The following TFEC variants were observed in gnomAD, a reference collection of about 807,000 sequenced individuals.
The protein encoded by TFEC is transcription factor EC, also known as class E basic helix-loop-helix protein 34.
In TFEC, 31 loss-of-function variants were observed where a neutral mutation model predicts 41.6. The observed-to-expected ratio is 0.74, with a 90% CI of 0.56 to 1.01. The LOEUF (loss-of-function observed/expected upper bound fraction) is 1.01, where lower values mean the gene tolerates loss of function less well. Among genes scored for constraint, TFEC ranks in the 50% least tolerant of loss-of-function variants. The pLI, the probability that TFEC is intolerant of heterozygous loss-of-function variation, is 0.00. For synonymous variants in TFEC, 143 were observed against 140.6 expected, an observed-to-expected ratio of 1.02 and a Z score of -0.12; for missense variants, 402 against 404.1, an observed-to-expected ratio of 0.99 and a Z score of 0.04.
rs951265262 is a variant in TFEC at position 115,997,545 on chromosome 7, C to G, written c.-72-13032G>C. On this transcript the variant is annotated intron_variant, in intron 1 of 7. Coordinates refer to ENST00000265440, the MANE Select transcript of TFEC (RefSeq NM_012252.4). Reference sequence around the variant, plus strand: ...TACCTAACTCTTCACTGCCCAGACACCAACAAACATCCACAAGCATAAAAA... The same window carrying G: ...TACCTAACTCTTCACTGCCCAGACAGCAACAAACATCCACAAGCATAAAAA... 3.3e-5 allele frequency among the ~76,000 whole-genome samples: 5 copies of G among 150,836 alleles called. No homozygotes were observed. In the South Asian group the frequency reaches 8.4e-4, roughly 25 times the overall value.
intron 3 of TFEC, among the ~76,000 whole-genome samples, chr7:116,056,064 T>C (rs1438998859): frequency 1.3e-5 from 2 of 152,170 alleles, no homozygotes; most frequent in Admixed American, 1.3e-4. Flanking sequence ...GATAGAGTAA[T>C]GGGGACCAGA....
intron 1 of TFEC, among the ~76,000 whole-genome samples, chr7:116,024,291 T>C (rs1221049823): frequency 6.6e-6 from 1 of 152,096 alleles, no homozygotes; most frequent in African/African-American, 2.4e-5. Context: ...TTCTCTCCTA[T>C]GGAGAGGCGA....
At chr7:115,950,105 A>G (rs62477216) in intron 6 of TFEC, among the ~76,000 whole-genome samples, 21,291 of 148,956 alleles carry the variant, frequency 0.14, 2,032 homozygotes, top group Non-Finnish European at 0.21. Flanking sequence ...TCTGCCCCCT[A>G]GGTTCAAGCA....
rs571354060 is a variant in TFEC at position 115,954,159 on chromosome 7, G to A, written c.439+427C>T. Among the ~76,000 whole-genome samples the A allele has an allele frequency of 2.5e-4, 38 of 152,130 alleles. No homozygotes were observed. The South Asian group carries it at 3.3e-3, about 13-fold the overall frequency. ...AAATTCAGCACTGCAACACAGCAAT[G>A]CCTTTCAGATAACATATCATTAAGA... On this transcript the variant is annotated intron_variant, in intron 5 of 7. Transcript: ENST00000265440.
At chr7:116,106,038 A>G (rs915596502) in intron 3 of TFEC, among the ~76,000 whole-genome samples, 13 of 152,078 alleles carry the variant, frequency 8.5e-5, no homozygotes, top group Non-Finnish European at 1.5e-4. Flanking sequence ...TATCAACAAA[A>G]TTAAAGTCAG....
chr7:116,025,976 T>A (rs911491983), intron 1 of TFEC, among the ~76,000 whole-genome samples: 2 of 152,216 alleles, frequency 1.3e-5, no homozygotes, highest in African/African-American at 2.4e-5. Flanking sequence ...AATTTAAAAC[T>A]AATAACTCCA....
intron 1 of TFEC, among the ~76,000 whole-genome samples, chr7:116,151,619 T>C (rs1218586640): frequency 6.6e-6 from 1 of 152,176 alleles, no homozygotes; most frequent in East Asian, 1.9e-4. Context: ...GTTTTGGTTT[T>C]GGTTTTTTTC....
intron 3 of TFEC, among the ~76,000 whole-genome samples, chr7:116,080,697 G>A (rs1797067136): frequency 6.6e-6 from 1 of 152,058 alleles, no homozygotes; most frequent in Non-Finnish European, 1.5e-5. Context: ...AATAATAGAT[G>A]TTGGCATGGA....
chr7:115,975,048 A>C (rs1268611068), intron 2 of TFEC, among the ~76,000 whole-genome samples: 1 of 152,052 alleles, frequency 6.6e-6, no homozygotes, highest in African/African-American at 2.4e-5. Context: ...TTATATAGTG[A>C]GTGAGTGGTG....
At chr7:116,008,097 C>T (rs537578698) in intron 1 of TFEC, among the ~76,000 whole-genome samples, 93 of 152,232 alleles carry the variant, frequency 6.1e-4, no homozygotes, top group Non-Finnish European at 1.1e-3. Context: ...GAGATAAATC[C>T]GCTTCTTGGG....
intron 6 of TFEC, among the ~76,000 whole-genome samples, chr7:115,944,290 A>C (rs1793676713): frequency 1.3e-5 from 2 of 151,488 alleles, no homozygotes; most frequent in African/African-American, 4.8e-5. Flanking sequence ...ACAAAAACAC[A>C]TATGGACAAA....
intron 3 of TFEC, among the ~76,000 whole-genome samples, chr7:116,084,151 C>T (rs1797151612): frequency 6.6e-6 from 1 of 151,942 alleles, no homozygotes; most frequent in Non-Finnish European, 1.5e-5. Context: ...CTTTCCCCAA[C>T]TGTGCCCAGC....
At chr7:116,148,075 G>A (rs10500058) in intron 1 of TFEC, among the ~76,000 whole-genome samples, 20,378 of 152,138 alleles carry the variant, frequency 0.13, 1,717 homozygotes, top group East Asian at 0.33. Flanking sequence ...TAAAGAAGGC[G>A]AGATTTAAGC....
rs1207324292 is a variant in TFEC, at chr7:115,993,110, T to A, written c.-72-8597A>T. ...AACAGAACCAAAGACAAAAACCACA[T>A]GATTATCTCAACAGATGCAGAAAAG... On this transcript the variant is annotated intron_variant, in intron 1 of 7. Transcript: ENST00000265440. 2.6e-5 allele frequency among the ~76,000 whole-genome samples: 4 copies of A among 152,166 alleles called. No individual in the cohort carries two copies. The East Asian group carries it at 7.7e-4, about 29-fold the overall frequency.
intron 1 of TFEC, among the ~76,000 whole-genome samples, chr7:115,995,352 A>G (rs932953493): frequency 6.6e-6 from 1 of 152,172 alleles, no homozygotes; most frequent in Admixed American, 6.5e-5. Context: ...ATTAAAAAAA[A>G]CAAAAATAAA....
chr7:116,094,433 C>A (rs1797402355), intron 3 of TFEC, among the ~76,000 whole-genome samples: 1 of 152,178 alleles, frequency 6.6e-6, no homozygotes, highest in African/African-American at 2.4e-5. Context: ...GTAATCCCAG[C>A]ACTTTGGGAG....
rs953053010 is a variant in TFEC, at chr7:115,981,712, C to T, written c.180+2550G>A. On this transcript the variant is annotated intron_variant, in intron 2 of 7. Coordinates refer to ENST00000265440, the MANE Select transcript of TFEC (RefSeq NM_012252.4). ...AGCGTTGCTATGAAAACTCAGATAA[C>T]AGGCGCTAAGCCCAGACAGAGCATC... Among the ~76,000 whole-genome samples, 29 of 152,158 alleles carry T rather than the reference C, an allele frequency of 1.9e-4. 1 individual carries two copies. Among genetic ancestry groups the T allele is most frequent in the Admixed American group, 1.9e-3 (29 of 15,268 alleles).
intron 4 of TFEC, among the ~76,000 whole-genome samples, chr7:115,956,101 TTCC>T (rs1282941568): frequency 6.6e-6 from 1 of 152,038 alleles, no homozygotes; most frequent in Admixed American, 6.6e-5. Flanking sequence ...CTGGGTTGAT[TTCC>T]TCATTTATTT....
chr7:116,089,914 AAAGGCCCAGGGTGTC>A lies in TFEC; in HGVS notation c.198+20779_198+20793del, dbSNP rs1797286696. Among the ~76,000 whole-genome samples, 4 of 152,208 alleles carry A rather than the reference AAAGGCCCAGGGTGTC, an allele frequency of 2.6e-5. No homozygotes were observed. The South Asian group carries it at 8.3e-4, about 32-fold the overall frequency. On this transcript the variant is annotated intron_variant, in intron 3 of 8. Coordinates refer to the TFEC transcript ENST00000484212. ...TATCCCTGGAACTTCCCTTCTGTCC[AAAGGCCCAGGGTGTC>A]AAGGTTTGGATCACATAAATTCTGT...
Sources: allele counts gnomAD v4.1 joint callset (sites outside exome capture counted in the v4.1 genomes callset), GRCh38; gene constraint gnomAD v4.1.1; transcripts MANE v1.5; gene names NCBI Gene and HGNC (gene_info 2026-07-23, HGNC 2026-07-21).